The following ZFYVE9 variants were observed in gnomAD, a reference collection of about 807,000 sequenced individuals.
ZFYVE9 encodes the protein zinc finger FYVE domain-containing protein 9.
Under a neutral mutation model 126.7 loss-of-function variants are expected in ZFYVE9, and 43 were observed. That is an observed-to-expected ratio of 0.34 (90% CI 0.27 to 0.44). ZFYVE9 has a LOEUF of 0.44. Ranked by LOEUF, ZFYVE9 falls within the 20% of genes least tolerant of loss-of-function variation. The pLI is 1.00. For missense variants in ZFYVE9, 1,476 were observed against 1,697.0 expected (o/e 0.87, Z 2.29); for synonymous variants, 521 against 597.4 (o/e 0.87, Z 1.87).
intron 4 of ZFYVE9, among the ~76,000 whole-genome samples, chr1:52,242,772 A>G (rs1368323834): frequency 6.6e-6 from 1 of 152,228 alleles, no homozygotes; most frequent in Non-Finnish European, 1.5e-5. Context: ...GGCAATTCAC[A>G]GTTTCCCTCA....
rs546395752 is a variant in ZFYVE9, at chr1:52,344,007, G to A, written c.3940-761G>A. ...GAATCACTTGAACCTAAGAGGCAAA[G>A]GTTGCAGTGGGCAGAGGTCATGCCA... On this transcript the variant is annotated intron_variant, in intron 17 of 18. Coordinates refer to ENST00000287727, the MANE Select transcript of ZFYVE9 (RefSeq NM_004799.4). Among the ~76,000 whole-genome samples, 31 of 152,058 alleles carry A rather than the reference G, an allele frequency of 2.0e-4. No individual in the cohort carries two copies. In the East Asian group the frequency reaches 6.0e-3, roughly 29 times the overall value.
At chr1:52,334,041 A>C (rs943934226) in intron 14 of ZFYVE9, among the ~76,000 whole-genome samples, 1 of 151,788 alleles carries the variant, frequency 6.6e-6, no homozygotes, top group African/African-American at 2.4e-5. Flanking sequence ...TGCAGTGAGC[A>C]GAGATAGCAC....
intron 2 of ZFYVE9, among the ~76,000 whole-genome samples, chr1:52,217,148 A>C (rs2124596296): frequency 6.6e-6 from 1 of 152,346 alleles, no homozygotes; most frequent in East Asian, 1.9e-4. Context: ...GAGCACACCG[A>C]ACAAAGGAAG....
chr1:52,251,066 GTTTGTTT>G (rs1645441366), intron 4 of ZFYVE9, among the ~76,000 whole-genome samples: 1 of 149,308 alleles, frequency 6.7e-6, no homozygotes, highest in Non-Finnish European at 1.5e-5. Flanking sequence ...GTTGTTGTTT[GTTTGTTT>G]TTTGTTTTTC....
At chr1:52,264,163 C>A in intron 5 of ZFYVE9, 1 of 190,402 alleles carries the variant, frequency 5.3e-6, no homozygotes, top group South Asian at 1.4e-4. Context: ...TATAAAATAA[C>A]CAGAGTGAGG....
At chr1:52,338,919 G>A (rs1646412069) in intron 16 of ZFYVE9, among the ~76,000 whole-genome samples, 1 of 152,280 alleles carries the variant, frequency 6.6e-6, no homozygotes, top group South Asian at 2.1e-4. Context: ...GCTGAGGCAG[G>A]AGACTCACTT....
chr1:52,180,212 C>G, intron 1 of ZFYVE9: 1 of 1,594,128 alleles, frequency 6.3e-7, no homozygotes, highest in Non-Finnish European at 8.6e-7. Flanking sequence ...GAATTCCCCT[C>G]TGTGCCCTGA....
At chr1:52,236,452 A>C (rs1193065684) in intron 3 of ZFYVE9, among the ~76,000 whole-genome samples, 1 of 152,186 alleles carries the variant, frequency 6.6e-6, no homozygotes, top group Non-Finnish European at 1.5e-5. Flanking sequence ...GCTTACAAAT[A>C]TATCTGCATA....
chr1:52,287,363 TG>T (rs1043035547), intron 10 of ZFYVE9, among the ~76,000 whole-genome samples: 2 of 152,212 alleles, frequency 1.3e-5, no homozygotes, highest in African/African-American at 4.8e-5. Flanking sequence ...TCCACCCGCC[TG>T]GGCCACCCAA....
Position 52,208,627 on chromosome 1 carries a change from G to T in ZFYVE9, c.-142-7742G>T, listed in dbSNP as rs146732976. On this transcript the variant is annotated intron_variant, in intron 1 of 18. Transcript: ENST00000287727. ...TGGCCCACCGCAACCTCTGCCTCCC[G>T]AGTTCAGGTGATTCTCCTGCCTTAG... Among the ~76,000 whole-genome samples the T allele has an allele frequency of 6.8e-3, 1,031 of 151,722 alleles. 18 individuals carry two copies. Among genetic ancestry groups the T allele is most frequent in the African/African-American group, 0.024 (985 of 41,370 alleles).
At chr1:52,267,387 A>G (rs907716902) in intron 6 of ZFYVE9, among the ~76,000 whole-genome samples, 1 of 152,196 alleles carries the variant, frequency 6.6e-6, no homozygotes, top group African/African-American at 2.4e-5. Flanking sequence ...TACAGGCTCA[A>G]CTTACATTGG....
chr1:52,222,414 C>T (rs1405455673), intron 2 of ZFYVE9, among the ~76,000 whole-genome samples: 1 of 152,212 alleles, frequency 6.6e-6, no homozygotes, highest in East Asian at 1.9e-4. Flanking sequence ...TCTTTTAAAT[C>T]TATCACCATG....
At chr1:52,167,752 T>C (rs1644526876) in intron 1 of ZFYVE9, among the ~76,000 whole-genome samples, 2 of 151,982 alleles carry the variant, frequency 1.3e-5, no homozygotes, top group Non-Finnish European at 2.9e-5. Flanking sequence ...CCAAACAAAG[T>C]CACAGCAACA....
chr1:52,274,791 G>T (rs1305123463), intron 8 of ZFYVE9, among the ~76,000 whole-genome samples: 1 of 152,082 alleles, frequency 6.6e-6, no homozygotes, highest in East Asian at 1.9e-4. Flanking sequence ...TTCAGTTTTT[G>T]AATGGATATA....
At chr1:52,331,094 CCT>C (rs1172620481) in intron 13 of ZFYVE9, among the ~76,000 whole-genome samples, 2 of 152,038 alleles carry the variant, frequency 1.3e-5, no homozygotes, top group African/African-American at 2.4e-5. Flanking sequence ...GTCTCGAACT[CCT>C]GACCTCAAGT....
chr1:52,322,353 A>G (rs1646248378), intron 13 of ZFYVE9, among the ~76,000 whole-genome samples: 1 of 147,762 alleles, frequency 6.8e-6, no homozygotes, highest in African/African-American at 2.5e-5. Context: ...TCTGTTTTTA[A>G]TGTAGCAGCC....
chr1:52,226,138 A>C (rs971455249), intron 2 of ZFYVE9, among the ~76,000 whole-genome samples: 10 of 152,122 alleles, frequency 6.6e-5, no homozygotes, highest in African/African-American at 2.4e-4. Flanking sequence ...CTTATTATGC[A>C]AACGAACTTT....
intron 3 of ZFYVE9, among the ~76,000 whole-genome samples, chr1:52,234,267 C>T (rs1036112620): frequency 6.6e-6 from 1 of 152,108 alleles, no homozygotes; most frequent in Non-Finnish European, 1.5e-5. Context: ...TGATTCCAGT[C>T]CAGGCAACAT....
chr1:52,223,650 T>A (rs1038607362), intron 2 of ZFYVE9, among the ~76,000 whole-genome samples: 1 of 152,188 alleles, frequency 6.6e-6, no homozygotes, highest in African/African-American at 2.4e-5. Context: ...GTCTAAGAAT[T>A]CTATGGGCCT....
Sources: allele counts gnomAD v4.1 joint callset (sites outside exome capture counted in the v4.1 genomes callset), GRCh38; gene constraint gnomAD v4.1.1; transcripts MANE v1.5; gene names NCBI Gene and HGNC (gene_info 2026-07-23, HGNC 2026-07-21).